VNN1: variants seen among roughly 807,000 people sequenced by gnomAD.
The protein encoded by VNN1 is vanin 1.
In VNN1, 29 loss-of-function variants were observed where a neutral mutation model predicts 41.9. That is an observed-to-expected ratio of 0.69 (90% CI 0.52 to 0.94). The LOEUF (loss-of-function observed/expected upper bound fraction) is 0.94, where lower values mean the gene tolerates loss of function less well. Among genes scored for constraint, VNN1 ranks in the 40% least tolerant of loss-of-function variants. The pLI, the probability that VNN1 is intolerant of heterozygous loss-of-function variation, is 0.00. For missense variants in VNN1, 637 were observed against 621.1 expected, an observed-to-expected ratio of 1.03 and a Z score of -0.27; for synonymous variants, 233 against 224.4, an observed-to-expected ratio of 1.04 and a Z score of -0.34.
At position 132,693,222 on chromosome 6, in the gene VNN1, T is replaced by C. The variant is rs376951087; in HGVS notation, c.628A>G (p.Thr210Ala). Residue 210 changes from threonine to alanine, a missense_variant, in exon 4 of 7, where the codon ACA becomes GCA. Transcript: ENST00000367928. ...TCATGGAAGAGTATATCAAAGCATGTGAAAATGCCAAAACTTCCAAAGGTG... is the reference window on the plus strand; with the variant it reads ...TCATGGAAGAGTATATCAAAGCATGCGAAAATGCCAAAACTTCCAAAGGTG... ...NTTFGSFGIF[T>A]CFDILFHDPA... is the part of the protein sequence containing the mutation. 9 of 1,614,094 alleles carry C rather than the reference T, an allele frequency of 5.6e-6. No individual in the cohort carries two copies. Among genetic ancestry groups the C allele is most frequent in the Non-Finnish European group, 7.6e-6 (9 of 1,179,992 alleles).
intron 5 of VNN1, among the ~76,000 whole-genome samples, chr6:132,690,494 C>T (rs529671247): frequency 1.3e-5 from 2 of 152,302 alleles, no homozygotes; most frequent in Admixed American, 6.5e-5. Context: ...CCAGAAACTT[C>T]CCTGCATTCC....
chr6:132,687,058 G>C (rs1778220093), intron 5 of VNN1, among the ~76,000 whole-genome samples: 1 of 151,966 alleles, frequency 6.6e-6, no homozygotes, highest in Admixed American at 6.6e-5. Flanking sequence ...TAATCCAAGA[G>C]GCAGAAGATC....
At chr6:132,712,463 T>C (rs1279005728) in intron 1 of VNN1, among the ~76,000 whole-genome samples, 1 of 152,164 alleles carries the variant, frequency 6.6e-6, no homozygotes, top group Non-Finnish European at 1.5e-5. Flanking sequence ...TCAAGCATTT[T>C]AATTTTCTAA....
chr6:132,709,357 C>CA (rs1027089126), intron 2 of VNN1, among the ~76,000 whole-genome samples: 9 of 151,736 alleles, frequency 5.9e-5, no homozygotes, highest in East Asian at 3.9e-4. Flanking sequence ...AATAGGTACT[C>CA]AAAAAAAATT....
chr6:132,696,901 C>T (rs966834833), intron 2 of VNN1, among the ~76,000 whole-genome samples: 2 of 151,946 alleles, frequency 1.3e-5, no homozygotes, highest in African/African-American at 4.8e-5. Flanking sequence ...GTCAGGAGAT[C>T]GAGACCATCC....
rs1450162322 is a variant in VNN1 at position 132,692,249 on chromosome 6, T to C, written c.1162A>G (p.Thr388Ala). 5 of 1,600,576 alleles carry C rather than the reference T, an allele frequency of 3.1e-6. No homozygotes were observed. Among genetic ancestry groups the C allele is most frequent in the Non-Finnish European group, 3.4e-6 (4 of 1,173,254 alleles). Residue 388 changes from threonine to alanine, a missense_variant, in exon 5 of 7, where the codon ACT becomes GCT. Transcript: ENST00000367928. Reference protein sequence around the residue: ...YALGAFDGLHTVEGRYYLQIC... With the variant: ...YALGAFDGLHAVEGRYYLQIC... ...TGTAGATAATAGCGCCCTTCCACAG[T>C]GTGCAGTCCGTCAAATGCCCCTAGA...
At chr6:132,710,821 T>A (rs1225583093) in intron 2 of VNN1, among the ~76,000 whole-genome samples, 1 of 152,234 alleles carries the variant, frequency 6.6e-6, no homozygotes, top group Non-Finnish European at 1.5e-5. Flanking sequence ...TGAACAGTGC[T>A]GCAATAAACA....
intron 2 of VNN1, among the ~76,000 whole-genome samples, chr6:132,696,229 A>C (rs910678495): frequency 7.9e-5 from 12 of 152,228 alleles, no homozygotes; most frequent in African/African-American, 2.9e-4. Flanking sequence ...CAATTCAGGC[A>C]TGTAGAAAAA....
chr6:132,684,638 C>A (rs1778181460), intron 5 of VNN1, 133 bp from the exon 6 acceptor site: 1 of 670,822 alleles, frequency 1.5e-6, no homozygotes, highest in Non-Finnish European at 2.2e-6. Flanking sequence ...ATACAATTTT[C>A]ATTTGTTAAT....
At chr6:132,708,400 C>A (rs1778549397) in intron 2 of VNN1, among the ~76,000 whole-genome samples, 1 of 151,898 alleles carries the variant, frequency 6.6e-6, no homozygotes, top group South Asian at 2.1e-4. Context: ...ACTTCAAATC[C>A]TTCTGGAACG....
chr6:132,692,357 C>A lies in VNN1; in HGVS notation c.1054G>T (p.Gly352Ter). The A allele has an allele frequency of 6.2e-7, 1 of 1,614,142 alleles. No individual in the cohort carries two copies. The highest frequency in any genetic ancestry group is 8.5e-7 in the Non-Finnish European group (1 of 1,180,018). The change falls in exon 5 of 7, where the codon GGA (glycine) becomes TGA (stop). Residue 352 changes from glycine to a stop codon, truncating the protein, a stop_gained. Coordinates refer to ENST00000367928, the MANE Select transcript of VNN1 (RefSeq NM_004666.3). LOFTEE classifies it high-confidence loss of function. ...FTFVKLTGVA[G>*]NYTVCQKDLC... Reference sequence around the variant, plus strand: ...TCTTTCTGACAAACTGTATAATTTCCTGCAACTCCTGTGAGCTTCACAAAA... The same window carrying A: ...TCTTTCTGACAAACTGTATAATTTCATGCAACTCCTGTGAGCTTCACAAAA...
chr6:132,693,927 T>C, intron 3 of VNN1, 63 bp downstream of exon 3: 1 of 1,566,204 alleles, frequency 6.4e-7, no homozygotes, highest in Non-Finnish European at 8.8e-7. Flanking sequence ...AACATATTTT[T>C]CTCCTTGCCC....
intron 2 of VNN1, among the ~76,000 whole-genome samples, chr6:132,701,722 T>A (rs1463070158): frequency 1.3e-5 from 2 of 152,086 alleles, no homozygotes; most frequent in Non-Finnish European, 2.9e-5. Context: ...GTACCTTGTT[T>A]TAAAATCATA....
chr6:132,694,981 C>T (rs9389026), intron 2 of VNN1, among the ~76,000 whole-genome samples: 28,131 of 152,020 alleles, frequency 0.19, 3,285 homozygotes, highest in East Asian at 0.36. Flanking sequence ...GAAGAAACCC[C>T]GTCTCTACTA....
At chr6:132,694,665 G>A (rs1190471671) in intron 2 of VNN1, among the ~76,000 whole-genome samples, 81 of 150,952 alleles carry the variant, frequency 5.4e-4, no homozygotes, top group African/African-American at 1.8e-3. Flanking sequence ...GACCAGCCTG[G>A]GCAACAAAGC....
chr6:132,713,493 T>C (rs1206962650), intron 1 of VNN1, among the ~76,000 whole-genome samples: 1 of 152,160 alleles, frequency 6.6e-6, no homozygotes, highest in Non-Finnish European at 1.5e-5. Flanking sequence ...ACTCTGAAAA[T>C]AGCACCTAGT....
At chr6:132,684,534 A>G (rs760160824) in intron 5 of VNN1, 29 bp from the exon 6 acceptor site, 8 of 1,611,318 alleles carry the variant, frequency 5.0e-6, no homozygotes, top group East Asian at 2.2e-5. Context: ...CCAGTAAGTC[A>G]TAAGAAAGTC....
rs772173750 is a variant in VNN1, at chr6:132,713,955, T to C, written c.81A>G (p.Ala27=). 33 of 1,614,054 alleles carry C rather than the reference T, an allele frequency of 2.0e-5. 1 individual carries two copies. The highest frequency in any genetic ancestry group is 8.3e-5 in the Admixed American group (5 of 60,006). Residue 27 remains alanine (A), a synonymous_variant, in exon 1 of 7, where the codon GCA becomes GCG. Transcript: ENST00000367928. ...ATATCGCTGCATGCTCATAAACAGC[T>C]GCAGTGAAAGTGTCCTGGCAGCTGG... is the stretch of plus-strand genomic sequence containing the variant. ...SRASCQDTFT[A]AVYEHAAILP...
chr6:132,699,104 G>A (rs745709072), intron 2 of VNN1: 14 of 292,558 alleles, frequency 4.8e-5, no homozygotes, highest in Admixed American at 2.4e-4. Context: ...AAAATCAATA[G>A]AAGAGGAAAG....
Sources: allele counts gnomAD v4.1 joint callset (sites outside exome capture counted in the v4.1 genomes callset), GRCh38; gene constraint gnomAD v4.1.1; transcripts MANE v1.5; gene names NCBI Gene and HGNC (gene_info 2026-07-23, HGNC 2026-07-21).